Variants in PLEKHB1 observed in about 807,000 individuals in gnomAD.
PLEKHB1 encodes the protein pleckstrin homology domain-containing family B member 1.
In PLEKHB1, 29 loss-of-function variants were observed where a neutral mutation model predicts 36.2. The observed-to-expected ratio is 0.80, with a 90% CI of 0.60 to 1.09. PLEKHB1 has a LOEUF of 1.09. Among genes scored for constraint, PLEKHB1 ranks in the 50% least tolerant of loss-of-function variants. The probability of loss-of-function intolerance (pLI) is 0.00; values close to 1 mark genes in which losing one functional copy is unlikely to be tolerated. For missense variants in PLEKHB1, 330 were observed against 348.2 expected (o/e 0.95, Z 0.42); for synonymous variants, 138 against 140.0 (o/e 0.99, Z 0.10).
intron 5 of PLEKHB1, 109 bp from the exon 6 acceptor site, chr11:73,655,694 G>A: frequency 4.6e-6 from 4 of 877,480 alleles, no homozygotes; most frequent in African/African-American, 1.7e-5. Context: ...CCCAGCTGGC[G>A]GAGGGCTCTG....
Position 73,661,181 on chromosome 11 carries a change from C to G in PLEKHB1, c.596-285C>G, listed in dbSNP as rs549529165. Among the ~76,000 whole-genome samples, 5 of 152,172 alleles carry G rather than the reference C, an allele frequency of 3.3e-5. No individual in the cohort carries two copies. The highest frequency in any genetic ancestry group is 7.3e-5 in the Non-Finnish European group (5 of 68,034). ...GGGCCTGGCGGTTGGGAATGCCCAT[C>G]GTTAGGCGCCTGGTGGTTGTGCTTA... On this transcript the variant is annotated intron_variant, in intron 7 of 7. Transcript: ENST00000354190. This position sits in a 1 kb window ranked among gnomAD's most constrained non-coding sequence, Gnocchi z 4.6.
chr11:73,653,065 AATCAT>A, intron 5 of PLEKHB1, 51 bp downstream of exon 5: 3 of 1,561,010 alleles, frequency 1.9e-6, no homozygotes, highest in Non-Finnish European at 2.6e-6. Flanking sequence ...TGTGCCATGG[AATCAT>A]GAGTGACTCA....
chr11:73,654,168 G>A (rs1225716678), intron 5 of PLEKHB1, among the ~76,000 whole-genome samples: 1 of 152,226 alleles, frequency 6.6e-6, no homozygotes, highest in East Asian at 1.9e-4. Context: ...TGTTGGCCGA[G>A]ACAGGCTGAT....
chr11:73,655,381 C>T (rs1032379032), intron 5 of PLEKHB1, among the ~76,000 whole-genome samples: 12 of 152,136 alleles, frequency 7.9e-5, no homozygotes, highest in African/African-American at 2.9e-4. Context: ...GGAGTTCATA[C>T]CTCACTCCAG....
chr11:73,661,686 C>T lies in PLEKHB1; in HGVS notation c.*84C>T. ...GGACCCCATCCTCTACCATCCAAGC[C>T]CTGTCCCACTTTGGCCCTATCCTCT... is the stretch of plus-strand genomic sequence containing the variant. On this transcript the variant is annotated 3_prime_UTR_variant, in exon 8 of 8. Coordinates refer to ENST00000354190, the MANE Select transcript of PLEKHB1 (RefSeq NM_021200.3). This position sits in a 1 kb window ranked among gnomAD's most constrained non-coding sequence, Gnocchi z 4.6. 2 of 1,483,070 alleles carry T rather than the reference C, an allele frequency of 1.3e-6. No homozygotes were observed. The highest frequency in any genetic ancestry group is 1.8e-6 in the Non-Finnish European group (2 of 1,118,076). The allele number at this position is 1,483,070 out of a possible 1,614,324, so 91.9% of individuals were successfully genotyped here.
intron 5 of PLEKHB1, among the ~76,000 whole-genome samples, chr11:73,655,602 C>T (rs1478204055): frequency 2.0e-5 from 3 of 152,176 alleles, no homozygotes; most frequent in South Asian, 2.1e-4. Flanking sequence ...TTCTTTTCTG[C>T]GTAACTTTGG....
rs1944867924 is a variant in PLEKHB1, at chr11:73,650,578, G to A, written c.120G>A (p.Arg40=). Reference sequence around the variant, plus strand: ...GCTCCATCCTCCGCCGCTGGAAGCGGAACTGGTTTGCCCTGTGGCTGGACG... The same window carrying A: ...GCTCCATCCTCCGCCGCTGGAAGCGAAACTGGTTTGCCCTGTGGCTGGACG... ...RQSSILRRWK[R]NWFALWLDGT... is the part of the protein sequence containing the mutation. The change falls in exon 3 of 8, where the codon CGG becomes CGA. Residue 40 remains arginine (R), a synonymous_variant. Coordinates refer to ENST00000354190, the MANE Select transcript of PLEKHB1 (RefSeq NM_021200.3). 2 of 1,612,990 alleles carry A rather than the reference G, an allele frequency of 1.2e-6. No individual in the cohort carries two copies. The highest frequency in any genetic ancestry group is 2.2e-5 in the East Asian group (1 of 44,864).
intron 3 of PLEKHB1, chr11:73,651,580 G>T: frequency 1.5e-6 from 1 of 659,982 alleles, no homozygotes; most frequent in Non-Finnish European, 2.8e-6. Flanking sequence ...GTAACTGGGA[G>T]GTGTGCTGAG....
intron 3 of PLEKHB1, 38 bp from the exon 4 acceptor site, chr11:73,651,750 G>C: frequency 6.5e-7 from 1 of 1,543,156 alleles, no homozygotes; most frequent in Non-Finnish European, 8.9e-7. Context: ...CCTGGGGCTT[G>C]TGCCTGTGGA....
chr11:73,661,266 C>T lies in PLEKHB1; in HGVS notation c.596-200C>T, dbSNP rs114262368. On this transcript the variant is annotated intron_variant, in intron 7 of 7. Coordinates refer to ENST00000354190, the MANE Select transcript of PLEKHB1 (RefSeq NM_021200.3). The surrounding 1 kb of genome is among the most constrained non-coding windows in gnomAD (Gnocchi z 4.6). Reference sequence around the variant, plus strand: ...CCTGCCGTAGCGGACCCGTAGGTTCCGGGACATCCGTAGCCGATCCAAGGC... The same window carrying T: ...CCTGCCGTAGCGGACCCGTAGGTTCTGGGACATCCGTAGCCGATCCAAGGC... Among the ~76,000 whole-genome samples the T allele has an allele frequency of 5.7e-3, 861 of 152,308 alleles. 8 individuals are homozygous for T. The highest frequency in any genetic ancestry group is 0.019 in the African/African-American group (786 of 41,576).
chr11:73,647,502 G>T lies in PLEKHB1; in HGVS notation c.18+876G>T, dbSNP rs1046841860. On this transcript the variant is annotated intron_variant, in intron 1 of 7. Transcript: ENST00000354190. ...GCTGCTTCTGCCCAGCTCTACAGGGGTAGACTACAAGTCCCAGTACGCCTC... is the reference window on the plus strand; with the variant it reads ...GCTGCTTCTGCCCAGCTCTACAGGGTTAGACTACAAGTCCCAGTACGCCTC... 6.3e-6 allele frequency: 6 copies of T among 957,710 alleles called. No individual in the cohort carries two copies. The African/African-American group carries it at 8.8e-5, about 14-fold the overall frequency. 59.3% of individuals were successfully genotyped at this position (957,710 alleles called of 1,614,324 possible).
Position 73,660,745 on chromosome 11 carries a change from T to C in PLEKHB1, c.496-8T>C. On this transcript the variant is annotated splice_polypyrimidine_tract_variant and splice_region_variant and intron_variant, in intron 6 of 7. Transcript: ENST00000354190. Reference sequence around the variant, plus strand: ...TTCCTGGGCACCTGACATGGTTGGATTCCCCAGGTGCGCGTCTACAGCCCG... The same window carrying C: ...TTCCTGGGCACCTGACATGGTTGGACTCCCCAGGTGCGCGTCTACAGCCCG... 1 of 1,580,162 alleles carries C rather than the reference T, an allele frequency of 6.3e-7. No individual in the cohort carries two copies. Among genetic ancestry groups the C allele is most frequent in the Non-Finnish European group, 8.6e-7 (1 of 1,164,536 alleles).
intron 6 of PLEKHB1, among the ~76,000 whole-genome samples, chr11:73,657,288 C>T (rs555094113): frequency 6.6e-6 from 1 of 152,336 alleles, no homozygotes; most frequent in South Asian, 2.1e-4. Flanking sequence ...TCACTCAACT[C>T]ATCAATGGCA....
At chr11:73,654,980 G>C (rs1944964060) in intron 5 of PLEKHB1, among the ~76,000 whole-genome samples, 1 of 152,144 alleles carries the variant, frequency 6.6e-6, no homozygotes, top group Non-Finnish European at 1.5e-5. Flanking sequence ...GGAGTAAGGA[G>C]GCTACAGCAG....
At chr11:73,652,002 G>A (rs769720096) in intron 4 of PLEKHB1, 112 bp downstream of exon 4, 262 of 904,016 alleles carry the variant, frequency 2.9e-4, no homozygotes, top group Non-Finnish European at 4.2e-4. Context: ...ACTAAGGCCA[G>A]TCAGCAAGGG....
chr11:73,660,822 G>A lies in PLEKHB1; in HGVS notation c.565G>A (p.Val189Ile). Residue 189 changes from valine to isoleucine, a missense_variant, in exon 7 of 8, where the codon GTC becomes ATC. Val to Ile is a conservative substitution (Grantham distance 29, BLOSUM62 3). Coordinates refer to ENST00000354190, the MANE Select transcript of PLEKHB1 (RefSeq NM_021200.3). ...VPPNAHEATY[V>I]RSYYGPPYAG... is the part of the protein sequence containing the mutation. Reference sequence around the variant, plus strand: ...CCCCAATGCACACGAGGCCACGTATGTCCGCAGCTACTACGGACCGCCCTA... The same window carrying A: ...CCCCAATGCACACGAGGCCACGTATATCCGCAGCTACTACGGACCGCCCTA... 5 of 1,600,036 alleles carry A rather than the reference G, an allele frequency of 3.1e-6. No individual in the cohort carries two copies. The highest frequency in any genetic ancestry group is 3.3e-4 in the Middle Eastern group (2 of 6,044).
chr11:73,656,299 T>C (rs897932779), intron 6 of PLEKHB1, among the ~76,000 whole-genome samples: 14 of 152,214 alleles, frequency 9.2e-5, no homozygotes, highest in Non-Finnish European at 1.3e-4. Flanking sequence ...GTTTCAGAGC[T>C]GGTTTATTCC....
At chr11:73,652,692 A>G (rs938687550) in intron 4 of PLEKHB1, 4 of 357,640 alleles carry the variant, frequency 1.1e-5, no homozygotes, top group Non-Finnish European at 1.5e-5. Flanking sequence ...AGAATCTGAC[A>G]TCCCCTGAGA....
chr11:73,651,767 T>G, intron 3 of PLEKHB1, 21 bp from the exon 4 acceptor site: 1 of 1,601,620 alleles, frequency 6.2e-7, no homozygotes. Flanking sequence ...TGGAAACCCA[T>G]ATATGTGTGT....
Sources: allele counts gnomAD v4.1 joint callset (sites outside exome capture counted in the v4.1 genomes callset), GRCh38; gene constraint gnomAD v4.1.1; non-coding constraint Gnocchi (gnomAD v3.1); transcripts MANE v1.5; gene names NCBI Gene and HGNC (gene_info 2026-07-23, HGNC 2026-07-21).